Variants in CNTN5 observed in about 807,000 individuals in gnomAD.
CNTN5 encodes contactin 5, also known as contactin-5.
In CNTN5, 77 loss-of-function variants were observed where a neutral mutation model predicts 129.1. The ratio of observed to expected loss-of-function variants is 0.60; its 90% confidence interval spans 0.50 to 0.72. The LOEUF is 0.72. Among genes scored for constraint, CNTN5 ranks in the 30% least tolerant of loss-of-function variants. CNTN5 has a pLI of 0.00. For synonymous variants in CNTN5, 509 were observed against 465.6 expected, an observed-to-expected ratio of 1.09 and a Z score of -1.20; for missense variants, 1,478 against 1,328.8, an observed-to-expected ratio of 1.11 and a Z score of -1.75.
At chr11:99,368,784 C>T (rs1005774886) in intron 2 of CNTN5, among the ~76,000 whole-genome samples, 2 of 151,964 alleles carry the variant, frequency 1.3e-5, no homozygotes, top group Admixed American at 1.3e-4. Context: ...AAATAGTGCA[C>T]CAGACATAAT....
At chr11:99,138,512 A>G (rs1176941822) in intron 1 of CNTN5, among the ~76,000 whole-genome samples, 2 of 152,152 alleles carry the variant, frequency 1.3e-5, no homozygotes, top group East Asian at 1.9e-4. Flanking sequence ...TTTATGCTTT[A>G]TTTTTAAACA....
At chr11:99,823,437 G>C (rs527476235) in intron 4 of CNTN5, among the ~76,000 whole-genome samples, 1 of 151,176 alleles carries the variant, frequency 6.6e-6, no homozygotes, top group East Asian at 1.9e-4. Flanking sequence ...ATTCTTCTTT[G>C]TTCTCCTTTA....
intron 15 of CNTN5, among the ~76,000 whole-genome samples, chr11:100,223,688 T>G (rs1393675148): frequency 6.6e-6 from 1 of 152,080 alleles, no homozygotes; most frequent in Non-Finnish European, 1.5e-5. Context: ...AATTTTTGAG[T>G]TCTTTGATGT....
chr11:99,873,682 C>T (rs991105378), intron 6 of CNTN5, among the ~76,000 whole-genome samples: 1 of 152,044 alleles, frequency 6.6e-6, no homozygotes, highest in African/African-American at 2.4e-5. Flanking sequence ...ATAGAACTAC[C>T]ATTCAATCTA....
At chr11:100,211,562 A>G (rs1949033793) in intron 15 of CNTN5, among the ~76,000 whole-genome samples, 1 of 152,192 alleles carries the variant, frequency 6.6e-6, no homozygotes, top group African/African-American at 2.4e-5. Context: ...TAAGTTCTAA[A>G]TAGCCATCTG....
At chr11:100,117,762 A>G (rs905446345) in intron 13 of CNTN5, among the ~76,000 whole-genome samples, 7 of 151,338 alleles carry the variant, frequency 4.6e-5, no homozygotes, top group African/African-American at 1.7e-4. Flanking sequence ...ATGGCATTCT[A>G]TTTCAACACA....
chr11:100,034,248 A>T (rs545077802), intron 9 of CNTN5, among the ~76,000 whole-genome samples: 1 of 152,330 alleles, frequency 6.6e-6, no homozygotes, highest in South Asian at 2.1e-4. Context: ...ATGGATTATA[A>T]ATACCAAACA....
chr11:99,510,649 A>G (rs979275072), intron 2 of CNTN5, among the ~76,000 whole-genome samples: 4 of 152,164 alleles, frequency 2.6e-5, no homozygotes, highest in African/African-American at 9.6e-5. Flanking sequence ...AAAAATTCCT[A>G]TCATTTAGTG....
chr11:100,237,278 C>T (rs1425118341), intron 16 of CNTN5, among the ~76,000 whole-genome samples: 1 of 151,914 alleles, frequency 6.6e-6, no homozygotes, highest in Non-Finnish European at 1.5e-5. Flanking sequence ...CTGGTCACAT[C>T]TCCTAAGAAG....
At chr11:99,039,373 A>G (rs1312938067) in intron 1 of CNTN5, among the ~76,000 whole-genome samples, 1 of 152,160 alleles carries the variant, frequency 6.6e-6, no homozygotes, top group Admixed American at 6.5e-5. Flanking sequence ...CTTCTCCACA[A>G]GAGTACTGTG....
At chr11:99,867,696 C>T (rs1284918129) in intron 6 of CNTN5, among the ~76,000 whole-genome samples, 1 of 152,142 alleles carries the variant, frequency 6.6e-6, no homozygotes, top group Non-Finnish European at 1.5e-5. Context: ...ACATTGGCTT[C>T]ACTTGTATAA....
chr11:99,266,756 G>A (rs1044557510), intron 1 of CNTN5, among the ~76,000 whole-genome samples: 3 of 152,068 alleles, frequency 2.0e-5, no homozygotes, highest in African/African-American at 7.2e-5. Flanking sequence ...TTGAGCATCT[G>A]CAAATTTTAG....
intron 2 of CNTN5, among the ~76,000 whole-genome samples, chr11:99,471,514 C>T (rs1335017531): frequency 6.6e-6 from 1 of 152,070 alleles, no homozygotes; most frequent in Non-Finnish European, 1.5e-5. Flanking sequence ...CGATTAAGAG[C>T]ACAGATTATT....
chr11:99,846,082 A>G (rs1947684191), intron 6 of CNTN5, among the ~76,000 whole-genome samples: 1 of 151,660 alleles, frequency 6.6e-6, no homozygotes, highest in Non-Finnish European at 1.5e-5. Context: ...TAGATGTCCC[A>G]GTTTTCGTAT....
intron 6 of CNTN5, among the ~76,000 whole-genome samples, chr11:99,908,044 T>C (rs1285879094): frequency 6.6e-6 from 1 of 152,014 alleles, no homozygotes; most frequent in Non-Finnish European, 1.5e-5. Flanking sequence ...ATCATGAAGT[T>C]TTTAGCATCT....
intron 2 of CNTN5, among the ~76,000 whole-genome samples, chr11:99,492,211 G>C (rs1050433123): frequency 1.3e-5 from 2 of 152,098 alleles, no homozygotes; most frequent in East Asian, 3.8e-4. Flanking sequence ...TTTATGTGAC[G>C]GGTCATGTTC....
intron 2 of CNTN5, among the ~76,000 whole-genome samples, chr11:99,394,101 A>G (rs758034406): frequency 2.8e-4 from 43 of 151,824 alleles, no homozygotes; most frequent in Non-Finnish European, 3.7e-4. Flanking sequence ...TTTATTCACA[A>G]ATGATGGGTG....
At chr11:99,549,909 C>A (rs1948426790) in intron 2 of CNTN5, among the ~76,000 whole-genome samples, 1 of 152,032 alleles carries the variant, frequency 6.6e-6, no homozygotes, top group African/African-American at 2.4e-5. Context: ...TAATCTCGAA[C>A]CATACTTTTT....
intron 20 of CNTN5, among the ~76,000 whole-genome samples, chr11:100,307,116 A>T (rs545082554): frequency 3.3e-5 from 5 of 151,650 alleles, no homozygotes; most frequent in Non-Finnish European, 7.4e-5. Flanking sequence ...AGCGTTCCAG[A>T]CACATGTATG....
Sources: allele counts gnomAD v4.1 joint callset (sites outside exome capture counted in the v4.1 genomes callset), GRCh38; gene constraint gnomAD v4.1.1; transcripts MANE v1.5; gene names NCBI Gene and HGNC (gene_info 2026-07-23, HGNC 2026-07-21).